The following OCA2 variants were observed in gnomAD, a reference collection of about 807,000 sequenced individuals.
OCA2 encodes the protein P protein.
Under a neutral mutation model 100.2 loss-of-function variants are expected in OCA2, and 77 were observed. That is an observed-to-expected ratio of 0.77 (90% CI 0.64 to 0.93). OCA2 has a LOEUF of 0.93. Among genes scored for constraint, OCA2 ranks in the 40% least tolerant of loss-of-function variants. The probability of loss-of-function intolerance (pLI) is 0.00; values close to 1 mark genes in which losing one functional copy is unlikely to be tolerated. For synonymous variants in OCA2, 432 were observed against 439.2 expected (o/e 0.98, Z 0.21); for missense variants, 1,062 against 1,089.1 (o/e 0.98, Z 0.35).
At chr15:27,738,992 TG>T in the OCA2 span, among the ~76,000 whole-genome samples, 126,797 of 152,082 alleles carry the variant, frequency 0.83, 53,050 homozygotes, top group Non-Finnish European at 0.87. Context: ...GCTCTACAGG[TG>T]GGACCCTGAG....
At chr15:28,044,545 G>A (rs1317212914) in intron 2 of OCA2, among the ~76,000 whole-genome samples, 5 of 152,304 alleles carry the variant, frequency 3.3e-5, no homozygotes, top group South Asian at 4.1e-4. Context: ...TCCCTGCCAC[G>A]TGCTACAGGC....
At chr15:27,990,783 G>C (rs745564266) in intron 9 of OCA2, 136 bp from the exon 10 acceptor site, 5 of 796,288 alleles carry the variant, frequency 6.3e-6, no homozygotes, top group Non-Finnish European at 8.6e-6. Context: ...CATGGGTCTT[G>C]ATGTTTCAGG....
chr15:27,923,896 G>C (rs1326589483), intron 19 of OCA2, among the ~76,000 whole-genome samples: 4 of 151,982 alleles, frequency 2.6e-5, no homozygotes, highest in African/African-American at 9.7e-5. Context: ...TGTTTTTGTT[G>C]CAATTGCTTT....
At chr15:28,030,833 TAAA>T (rs1380453746) in intron 3 of OCA2, among the ~76,000 whole-genome samples, 3 of 152,238 alleles carry the variant, frequency 2.0e-5, no homozygotes, top group African/African-American at 7.2e-5. Context: ...TTTTGAGTCT[TAAA>T]AGAATGTGAT....
At chr15:27,722,666 C>CTTTT in the OCA2 span, among the ~76,000 whole-genome samples, 86,141 of 140,376 alleles carry the variant, frequency 0.61, 25,851 homozygotes, top group Non-Finnish European at 0.65. Context: ...CTCTTTCTTT[C>CTTTT]CTTTCTTTTC....
the OCA2 span, among the ~76,000 whole-genome samples, chr15:27,728,685 TC>T: frequency 6.6e-6 from 1 of 152,190 alleles, no homozygotes; most frequent in African/African-American, 2.4e-5. Flanking sequence ...CCCTTGAGCT[TC>T]CTAAGGGCAT....
intron 18 of OCA2, among the ~76,000 whole-genome samples, chr15:27,932,271 T>C (rs1368679997): frequency 6.6e-6 from 1 of 152,150 alleles, no homozygotes; most frequent in Non-Finnish European, 1.5e-5. Context: ...GCTGAGGCAC[T>C]GAAGCAAGGC....
chr15:27,730,581 G>A, the OCA2 span, among the ~76,000 whole-genome samples: 2 of 148,872 alleles, frequency 1.3e-5, no homozygotes, highest in African/African-American at 5.2e-5. Flanking sequence ...CTCTAATCAC[G>A]CCTTGGTGTT....
rs150936112 is a variant in OCA2, at chr15:27,772,454, G to C, written c.2433-16982C>G. Among the ~76,000 whole-genome samples the C allele has an allele frequency of 2.0e-3, 311 of 152,316 alleles. 1 individual carries two copies. The highest frequency in any genetic ancestry group is 7.4e-3 in the African/African-American group (306 of 41,564). ...TTGAAGAAATGTTGGAAAATATCCAGTTAGGAAATCATTGAGATTATCTTC... is the reference window on the plus strand; with the variant it reads ...TTGAAGAAATGTTGGAAAATATCCACTTAGGAAATCATTGAGATTATCTTC... On this transcript the variant is annotated intron_variant, in intron 23 of 23. Coordinates refer to ENST00000354638, the MANE Select transcript of OCA2 (RefSeq NM_000275.3).
intron 9 of OCA2, among the ~76,000 whole-genome samples, chr15:28,004,924 CA>C (rs1248717413): frequency 1.3e-5 from 2 of 152,184 alleles, no homozygotes; most frequent in Non-Finnish European, 2.9e-5. Flanking sequence ...CTTTTGATGA[CA>C]GACAAGGCCA....
chr15:28,096,347 T>C (rs925990291), intron 1 of OCA2, among the ~76,000 whole-genome samples: 8 of 152,186 alleles, frequency 5.3e-5, no homozygotes, highest in African/African-American at 1.4e-4. Flanking sequence ...AGGTGGTCTG[T>C]CTGTGTCGGG....
intron 2 of OCA2, among the ~76,000 whole-genome samples, chr15:28,064,537 T>C (rs1316132029): frequency 6.6e-6 from 1 of 152,146 alleles, no homozygotes; most frequent in African/African-American, 2.4e-5. Flanking sequence ...TTCCTCTGCC[T>C]TCCTAAATCT....
chr15:27,936,828 T>A (rs1488675882), intron 18 of OCA2, among the ~76,000 whole-genome samples: 2 of 152,192 alleles, frequency 1.3e-5, no homozygotes, highest in African/African-American at 4.8e-5. Flanking sequence ...ATTCAACACC[T>A]GGAAGCTTCT....
At position 28,043,545 on chromosome 15, in the gene OCA2, T is replaced by C. The variant is rs2043264937; in HGVS notation, c.228-11382A>G. Among the ~76,000 whole-genome samples, 1 of 152,196 alleles carries C rather than the reference T, an allele frequency of 6.6e-6. No homozygotes were observed. Among genetic ancestry groups the C allele is most frequent in the Non-Finnish European group, 1.5e-5 (1 of 68,034 alleles). The stretch of plus-strand genomic sequence containing the variant: ...TCCTCAGACATAAGGATGCAATCCT[T>C]CCTTTTCAAAGCAAACGGATGGAAC... On this transcript the variant is annotated intron_variant, in intron 2 of 23. Transcript: ENST00000354638. The surrounding 1 kb of genome is among the most constrained non-coding windows in gnomAD (Gnocchi z 4.4).
intron 23 of OCA2, among the ~76,000 whole-genome samples, chr15:27,789,206 T>C (rs2032963897): frequency 9.0e-6 from 1 of 111,116 alleles, no homozygotes; most frequent in East Asian, 3.1e-4. Flanking sequence ...TCTTTTTTTT[T>C]CTGGGCGGGG....
chr15:27,756,921 G>A (rs1020548203), intron 23 of OCA2, among the ~76,000 whole-genome samples: 8 of 152,198 alleles, frequency 5.3e-5, no homozygotes, highest in Admixed American at 3.9e-4. Flanking sequence ...CTTGAGGATG[G>A]CACCAACGCA....
chr15:27,738,855 T>A, the OCA2 span, among the ~76,000 whole-genome samples: 1 of 152,044 alleles, frequency 6.6e-6, no homozygotes, highest in African/African-American at 2.4e-5. Context: ...TATTTATAAT[T>A]TCCTTTATGT....
chr15:27,796,279 T>C (rs1371961198), intron 23 of OCA2, among the ~76,000 whole-genome samples: 1 of 152,260 alleles, frequency 6.6e-6, no homozygotes, highest in Admixed American at 6.5e-5. Flanking sequence ...CACAGTATGA[T>C]GGGAAAGGCT....
intron 4 of OCA2, among the ~76,000 whole-genome samples, chr15:28,026,401 C>T (rs1432005184): frequency 1.3e-5 from 2 of 152,174 alleles, no homozygotes; most frequent in Non-Finnish European, 2.9e-5. Context: ...TGACCCATGG[C>T]GCCAGAACCC....
Sources: allele counts gnomAD v4.1 joint callset (sites outside exome capture counted in the v4.1 genomes callset), GRCh38; gene constraint gnomAD v4.1.1; non-coding constraint Gnocchi (gnomAD v3.1); transcripts MANE v1.5; gene names NCBI Gene and HGNC (gene_info 2026-07-23, HGNC 2026-07-21).